Variants in MTM1 observed in about 807,000 individuals in gnomAD.
MTM1 encodes myotubularin 1.
Under a neutral mutation model 52.1 loss-of-function variants are expected in MTM1, and 9 were observed. The observed-to-expected ratio is 0.17, with a 90% CI of 0.10 to 0.30. The LOEUF (loss-of-function observed/expected upper bound fraction) is 0.30, where lower values mean the gene tolerates loss of function less well. Among genes scored for constraint, MTM1 ranks in the 10% least tolerant of loss-of-function variants. The pLI is 1.00. For missense variants in MTM1, 277 were observed against 470.7 expected, an observed-to-expected ratio of 0.59 and a Z score of 3.81; for synonymous variants, 136 against 163.8, an observed-to-expected ratio of 0.83 and a Z score of 1.29.
At chrX:150,618,705 A>G (rs1260511582) in intron 5 of MTM1, among the ~76,000 whole-genome samples, 1 of 111,571 alleles carries the variant, frequency 9.0e-6, no homozygotes, top group Non-Finnish European at 1.9e-5. Context: ...ATACCTCAGA[A>G]CCCAGTGAAA....
intron 13 of MTM1, among the ~76,000 whole-genome samples, chrX:150,661,730 C>CT (rs1421533438): frequency 8.1e-5 from 9 of 111,479 alleles, no homozygotes; most frequent in African/African-American, 2.9e-4. Flanking sequence ...TCTAAGAAAA[C>CT]TTGAACCTAT....
In MTM1 at chrX:150,660,364, TG is replaced by T; in HGVS notation, c.1354-6del. ...TTTTCATGCTTTGTTTGCTTGTTTT[TG>T]TTTAGTTCCCTACAGCTTTTGAATT... On this transcript the variant is annotated splice_region_variant and splice_polypyrimidine_tract_variant and intron_variant, in intron 12 of 14. Transcript: ENST00000370396. 1 of 1,085,979 alleles carries T rather than the reference TG, an allele frequency of 9.2e-7. No homozygotes were observed. The highest frequency in any genetic ancestry group is 1.3e-6 in the Non-Finnish European group (1 of 781,163). The allele number at this position is 1,085,979 out of a possible 1,213,427, so 89.5% of individuals were successfully genotyped here. A position where few individuals can be genotyped will look rare whatever the true frequency, so the allele number is the denominator to read the frequency against.
intron 1 of MTM1, among the ~76,000 whole-genome samples, chrX:150,590,641 G>A (rs782692274): frequency 1.1e-4 from 12 of 111,341 alleles, no homozygotes; most frequent in South Asian, 7.5e-4. Flanking sequence ...GAGGGATTTC[G>A]TCCTTTATAT....
At chrX:150,631,260 A>G (rs1365373625) in intron 6 of MTM1, among the ~76,000 whole-genome samples, 1 of 112,539 alleles carries the variant, frequency 8.9e-6, no homozygotes, top group Non-Finnish European at 1.9e-5. Context: ...AGGCCTTTCT[A>G]AGGAGGGCAG....
At chrX:150,652,960 G>A (rs1557414274) in intron 10 of MTM1, among the ~76,000 whole-genome samples, 1 of 110,370 alleles carries the variant, frequency 9.1e-6, no homozygotes, top group African/African-American at 3.3e-5. Context: ...TAGGAGGTAA[G>A]GCCATCTGCA....
chrX:150,640,073 A>G (rs1056142742), intron 7 of MTM1, among the ~76,000 whole-genome samples: 1 of 111,617 alleles, frequency 9.0e-6, no homozygotes, highest in Non-Finnish European at 1.9e-5. Context: ...TGAGTTTTCT[A>G]AGGCTTTGCA....
chrX:150,584,871 A>G (rs1441479441), intron 1 of MTM1, among the ~76,000 whole-genome samples: 4 of 111,722 alleles, frequency 3.6e-5, no homozygotes, highest in Non-Finnish European at 7.5e-5. Context: ...TGCTATGTAA[A>G]TACAAATAAA....
At position 150,638,161 on chromosome X, in the gene MTM1, T is replaced by C. The variant is rs201563411; in HGVS notation, c.445-782T>C. 3.6e-5 allele frequency among the ~76,000 whole-genome samples: 4 copies of C among 111,607 alleles called. No individual in the cohort carries two copies. The East Asian group carries it at 1.1e-3, about 31-fold the overall frequency. ...GTCATGTACTGAAATGGGGAGACTGTGGGAAGAGCAGGACTGGGTAGGGGG... is the reference window on the plus strand; with the variant it reads ...GTCATGTACTGAAATGGGGAGACTGCGGGAAGAGCAGGACTGGGTAGGGGG... On this transcript the variant is annotated intron_variant, in intron 6 of 14. Coordinates refer to ENST00000370396, the MANE Select transcript of MTM1 (RefSeq NM_000252.3).
intron 6 of MTM1, among the ~76,000 whole-genome samples, chrX:150,620,092 G>A (rs969400608): frequency 5.4e-5 from 6 of 112,035 alleles, no homozygotes; most frequent in African/African-American, 1.9e-4. Context: ...AGGATAAAAA[G>A]AGAGTCTGAT....
At chrX:150,621,557 G>A (rs994901786) in intron 6 of MTM1, among the ~76,000 whole-genome samples, 4 of 108,724 alleles carry the variant, frequency 3.7e-5, no homozygotes, top group Non-Finnish European at 7.6e-5. Flanking sequence ...GCCCTACACT[G>A]CAGCTGCACA....
chrX:150,653,924 A>G (rs982923333), intron 10 of MTM1, among the ~76,000 whole-genome samples: 3 of 112,000 alleles, frequency 2.7e-5, no homozygotes, highest in African/African-American at 9.7e-5. Flanking sequence ...TTTTAGTCCA[A>G]GACAAGCTAG....
At chrX:150,641,547 T>TC in intron 8 of MTM1, 129 bp downstream of exon 8, 1 of 790,497 alleles carries the variant, frequency 1.3e-6, no homozygotes, top group Non-Finnish European at 1.9e-6. Context: ...GCTTTGTGAG[T>TC]ACAAAGTACC....
chrX:150,619,379 T>C (rs1286164622), intron 6 of MTM1, among the ~76,000 whole-genome samples: 2 of 112,019 alleles, frequency 1.8e-5, no homozygotes, highest in Non-Finnish European at 3.8e-5. Context: ...CAATTGTAAA[T>C]GGGAACAAAC....
intron 1 of MTM1, among the ~76,000 whole-genome samples, chrX:150,571,509 T>C (rs2038375679): frequency 8.9e-6 from 1 of 112,462 alleles, no homozygotes; most frequent in African/African-American, 3.2e-5. Context: ...CTGGAGGGAC[T>C]GAGTGAATAA....
chrX:150,596,363 C>T, intron 2 of MTM1, 135 bp from the exon 3 acceptor site: 1 of 503,916 alleles, frequency 2.0e-6, no homozygotes, highest in Non-Finnish European at 3.4e-6. Flanking sequence ...AATTTTTGTG[C>T]CAGTTTTCCC....
At chrX:150,596,418 A>G in intron 2 of MTM1, 80 bp from the exon 3 acceptor site, 1 of 747,644 alleles carries the variant, frequency 1.3e-6, no homozygotes. Context: ...ACATATTTCT[A>G]GTGGCTTGTA....
chrX:150,628,763 C>G (rs1357982936), intron 6 of MTM1, among the ~76,000 whole-genome samples: 7 of 105,607 alleles, frequency 6.6e-5, no homozygotes, highest in Non-Finnish European at 9.7e-5. Flanking sequence ...GAGACAGGGT[C>G]TTGCTCTGTC....
At chrX:150,570,907 T>C (rs2038361288) in intron 1 of MTM1, among the ~76,000 whole-genome samples, 1 of 112,711 alleles carries the variant, frequency 8.9e-6, no homozygotes, top group African/African-American at 3.2e-5. Flanking sequence ...AGTTCTCTCA[T>C]ATTCTGTATG....
At chrX:150,575,154 G>A (rs1291662687) in intron 1 of MTM1, among the ~76,000 whole-genome samples, 1 of 112,422 alleles carries the variant, frequency 8.9e-6, no homozygotes, top group Admixed American at 9.4e-5. Flanking sequence ...TTTCTTGAGG[G>A]GAACTTCAAA....
Sources: gnomAD v4.1 joint callset for allele counts (sites outside exome capture counted in the v4.1 genomes callset) on GRCh38, gnomAD v4.1.1 for gene constraint, MANE v1.5 for transcripts, NCBI Gene and HGNC (gene_info 2026-07-23, HGNC 2026-07-21) for gene names.